The following KCNJ3 variants were observed in gnomAD, a reference collection of about 807,000 sequenced individuals.
The protein encoded by KCNJ3 is potassium inwardly rectifying channel subfamily J member 3, also known as G protein-activated inward rectifier potassium channel 1.
Under a neutral mutation model 39.2 loss-of-function variants are expected in KCNJ3, and 4 were observed. The observed-to-expected ratio is 0.10, with a 90% confidence interval of 0.05 to 0.23. KCNJ3 has a LOEUF of 0.23. Among genes scored for constraint, KCNJ3 ranks in the 10% least tolerant of loss-of-function variants. The pLI, the probability that KCNJ3 is intolerant of heterozygous loss-of-function variation, is 1.00. For synonymous variants in KCNJ3, 230 were observed against 237.4 expected, an observed-to-expected ratio of 0.97 and a Z score of 0.29; for missense variants, 276 against 634.9, an observed-to-expected ratio of 0.43 and a Z score of 6.08.
intron 2 of KCNJ3, among the ~76,000 whole-genome samples, chr2:154,720,730 G>A (rs2105159579): frequency 6.6e-6 from 1 of 152,204 alleles, no homozygotes; most frequent in Non-Finnish European, 1.5e-5. Context: ...AATGCATAGT[G>A]CTTTGATGAC....
chr2:154,774,800 T>A (rs967077038), intron 2 of KCNJ3, among the ~76,000 whole-genome samples: 1 of 152,242 alleles, frequency 6.6e-6, no homozygotes, highest in Non-Finnish European at 1.5e-5. Flanking sequence ...TGACAATAAC[T>A]GGGCACTTTT....
chr2:154,764,239 C>T (rs1454498625), intron 2 of KCNJ3, among the ~76,000 whole-genome samples: 1 of 152,112 alleles, frequency 6.6e-6, no homozygotes, highest in African/African-American at 2.4e-5. Flanking sequence ...GTGAAAATAT[C>T]TCTGATTATA....
intron 2 of KCNJ3, among the ~76,000 whole-genome samples, chr2:154,854,029 C>T (rs1280258482): frequency 6.6e-6 from 1 of 152,092 alleles, no homozygotes; most frequent in Non-Finnish European, 1.5e-5. Context: ...AGCACAATGA[C>T]TTTTCTTTTT....
At chr2:154,800,271 G>A (rs1686790173) in intron 2 of KCNJ3, among the ~76,000 whole-genome samples, 1 of 152,110 alleles carries the variant, frequency 6.6e-6, no homozygotes, top group Non-Finnish European at 1.5e-5. Context: ...GGTTTCCTCT[G>A]CAGGCATTAA....
chr2:154,809,942 T>C (rs1232776904), intron 2 of KCNJ3, among the ~76,000 whole-genome samples: 1 of 152,066 alleles, frequency 6.6e-6, no homozygotes, highest in Admixed American at 6.6e-5. Context: ...TATACACACA[T>C]ACATGCATGC....
intron 2 of KCNJ3, among the ~76,000 whole-genome samples, chr2:154,849,461 C>G (rs1687718317): frequency 6.6e-6 from 1 of 152,122 alleles, no homozygotes; most frequent in Non-Finnish European, 1.5e-5. Flanking sequence ...CTGATTCTCT[C>G]TATCCCTCTA....
At chr2:154,751,710 A>G (rs1685848121) in intron 2 of KCNJ3, among the ~76,000 whole-genome samples, 1 of 152,080 alleles carries the variant, frequency 6.6e-6, no homozygotes, top group Admixed American at 6.6e-5. Context: ...GTGGCTTAAG[A>G]AATAGAAATT....
At chr2:154,849,359 T>A (rs575434473) in intron 2 of KCNJ3, among the ~76,000 whole-genome samples, 1 of 152,318 alleles carries the variant, frequency 6.6e-6, no homozygotes, top group South Asian at 2.1e-4. Flanking sequence ...TTGCTTTTGT[T>A]TGATGTACGT....
chr2:154,737,225 G>A lies in KCNJ3; in HGVS notation c.919+27406G>A, dbSNP rs547370896. 1.7e-3 allele frequency among the ~76,000 whole-genome samples: 266 copies of A among 152,278 alleles called. 1 individual carries two copies. The highest frequency in any genetic ancestry group is 6.2e-3 in the African/African-American group (256 of 41,564). ...AATTTTGGGACGTTGTGTAGAATAC[G>A]CAGGCAGGTTTTGTGTCAGTATTGG... On this transcript the variant is annotated intron_variant, in intron 2 of 2. Transcript: ENST00000295101.
intron 2 of KCNJ3, among the ~76,000 whole-genome samples, chr2:154,801,552 T>C (rs1049462595): frequency 6.6e-6 from 1 of 151,446 alleles, no homozygotes; most frequent in African/African-American, 2.4e-5. Context: ...TTTCTTTCTT[T>C]TCTTTTCTTT....
intron 2 of KCNJ3, among the ~76,000 whole-genome samples, chr2:154,768,774 A>G (rs1338796517): frequency 1.3e-5 from 2 of 152,100 alleles, no homozygotes; most frequent in African/African-American, 4.8e-5. Context: ...AAATTACCTC[A>G]GGAACTATGG....
chr2:154,766,469 C>T (rs952542661), intron 2 of KCNJ3, among the ~76,000 whole-genome samples: 3 of 151,844 alleles, frequency 2.0e-5, no homozygotes, highest in African/African-American at 7.3e-5. Context: ...ATTTTAGAGG[C>T]TTTTCCAGGT....
intron 2 of KCNJ3, among the ~76,000 whole-genome samples, chr2:154,814,581 G>A (rs1001932994): frequency 6.6e-6 from 1 of 152,066 alleles, no homozygotes; most frequent in Non-Finnish European, 1.5e-5. Flanking sequence ...AGTTTGCAGT[G>A]AGCCAAGATC....
intron 1 of KCNJ3, among the ~76,000 whole-genome samples, chr2:154,701,861 G>C (rs1163594148): frequency 1.3e-5 from 2 of 151,944 alleles, no homozygotes; most frequent in Non-Finnish European, 2.9e-5. Flanking sequence ...TCTTCAACTA[G>C]TCAGTTAGCG....
intron 2 of KCNJ3, among the ~76,000 whole-genome samples, chr2:154,777,159 C>G (rs1686351967): frequency 6.6e-6 from 1 of 152,194 alleles, no homozygotes. Flanking sequence ...ACATAATGCA[C>G]ATACATGAAA....
chr2:154,773,864 T>G (rs1488346041), intron 2 of KCNJ3, among the ~76,000 whole-genome samples: 1 of 152,170 alleles, frequency 6.6e-6, no homozygotes, highest in African/African-American at 2.4e-5. Context: ...TGTCAGAGAA[T>G]GACTTTTTCT....
intron 2 of KCNJ3, among the ~76,000 whole-genome samples, chr2:154,781,525 A>G (rs549442165): frequency 6.6e-6 from 1 of 152,296 alleles, no homozygotes; most frequent in Non-Finnish European, 1.5e-5. Context: ...CACACAACGA[A>G]ACAAAGTACG....
At chr2:154,788,982 T>G (rs1038692873) in intron 2 of KCNJ3, among the ~76,000 whole-genome samples, 1 of 152,122 alleles carries the variant, frequency 6.6e-6, no homozygotes, top group African/African-American at 2.4e-5. Flanking sequence ...TTTATGACTC[T>G]CATTCTGAAG....
chr2:154,794,622 A>T (rs1212322809), intron 2 of KCNJ3, among the ~76,000 whole-genome samples: 1 of 152,066 alleles, frequency 6.6e-6, no homozygotes, highest in African/African-American at 2.4e-5. Flanking sequence ...CCAGCAAAGA[A>T]GATTAACTTG....
Sources: allele counts gnomAD v4.1 joint callset (sites outside exome capture counted in the v4.1 genomes callset), GRCh38; gene constraint gnomAD v4.1.1; transcripts MANE v1.5; gene names NCBI Gene and HGNC (gene_info 2026-07-23, HGNC 2026-07-21).